NSUN7: variants seen among roughly 807,000 people sequenced by gnomAD.
NSUN7 encodes NOP2/Sun RNA methyltransferase family member 7, also known as protein NSUN7.
A neutral mutation model predicts 58.5 loss-of-function variants in NSUN7; 39 were observed. The ratio of observed to expected loss-of-function variants is 0.67; its 90% CI spans 0.52 to 0.87. NSUN7 has a LOEUF of 0.87. Ranked by LOEUF, NSUN7 falls within the 40% of genes least tolerant of loss-of-function variation. The pLI is 0.00. For synonymous variants in NSUN7, 278 were observed against 303.7 expected (o/e 0.92, Z 0.88); for missense variants, 765 against 844.1 (o/e 0.91, Z 1.16).
chr4:40,777,542 C>G (rs1351986764), intron 7 of NSUN7, among the ~76,000 whole-genome samples: 1 of 152,174 alleles, frequency 6.6e-6, no homozygotes, highest in Admixed American at 6.5e-5. Flanking sequence ...TCTCGAACTC[C>G]TGACCTCAGG....
At chr4:40,777,805 G>T (rs902923071) in intron 7 of NSUN7, among the ~76,000 whole-genome samples, 1 of 152,094 alleles carries the variant, frequency 6.6e-6, no homozygotes, top group Non-Finnish European at 1.5e-5. Context: ...TTGTTATGTT[G>T]CCTAGGCTGA....
chr4:40,761,604 G>T (rs910269569), intron 4 of NSUN7, among the ~76,000 whole-genome samples: 8 of 152,056 alleles, frequency 5.3e-5, no homozygotes, highest in Admixed American at 2.0e-4. Context: ...GCTACTAATT[G>T]CTTAGTTCAC....
chr4:40,774,972 T>C (rs975911775), intron 6 of NSUN7, 22 bp downstream of exon 6: 13 of 988,748 alleles, frequency 1.3e-5, no homozygotes, highest in Middle Eastern at 2.7e-4. Context: ...TTTACTTTCA[T>C]TGTGATTCTC....
intron 7 of NSUN7, among the ~76,000 whole-genome samples, chr4:40,780,143 A>C (rs1190177792): frequency 6.6e-6 from 1 of 152,042 alleles, no homozygotes; most frequent in African/African-American, 2.4e-5. Flanking sequence ...TAGCCGGATG[A>C]GTGGTACAGG....
In NSUN7 at chr4:40,776,276, C is replaced by A. The variant is rs762227614; in HGVS notation, c.1036+17C>A. 4.0e-6 allele frequency: 6 copies of A among 1,501,126 alleles called. No homozygotes were observed. The South Asian group carries it at 6.0e-5, about 15-fold the overall frequency. The allele number at this position is 1,501,126 out of a possible 1,614,324, so 93.0% of individuals were successfully genotyped here. On this transcript the variant is annotated intron_variant, in intron 7 of 11. Coordinates refer to ENST00000381782, the MANE Select transcript of NSUN7 (RefSeq NM_024677.6). ...GATGTAAAAGTATGTAAAAATATTT[C>A]TTCATTTGGTGATTATTGTTCTGCA...
chr4:40,804,160 C>A (rs1743720098), intron 10 of NSUN7, among the ~76,000 whole-genome samples: 2 of 152,148 alleles, frequency 1.3e-5, no homozygotes, highest in South Asian at 4.1e-4. Context: ...ACTAATGGGG[C>A]CGGGCATGGT....
At chr4:40,756,011 G>T (rs1199500132) in intron 2 of NSUN7, among the ~76,000 whole-genome samples, 3 of 152,116 alleles carry the variant, frequency 2.0e-5, no homozygotes, top group Non-Finnish European at 4.4e-5. Context: ...GTGCAGTCGT[G>T]TGGCTGGCTG....
intron 7 of NSUN7, 104 bp downstream of exon 7, chr4:40,776,363 A>G (rs1356758438): frequency 1.3e-5 from 9 of 702,068 alleles, no homozygotes; most frequent in Non-Finnish European, 2.3e-6. Context: ...AAAGCTCTAT[A>G]TGTGAACTAA....
At position 40,794,425 on chromosome 4, in the gene NSUN7, C is replaced by T. The variant is rs1232481072; in HGVS notation, c.1231C>T (p.Leu411Phe). 1 of 1,612,894 alleles carries T rather than the reference C, an allele frequency of 6.2e-7. No homozygotes were observed. Among genetic ancestry groups the T allele is most frequent in the Non-Finnish European group, 8.5e-7 (1 of 1,179,208 alleles). ...TCAAGGAGGCATCTCAGTGGACAAA[C>T]TTCACGTTCTTGCTCAACAGCAGTA... Reference protein sequence around the residue: ...HSQGGISVDKLHVLAQQQYEQ... With the variant: ...HSQGGISVDKFHVLAQQQYEQ... The change falls in exon 9 of 12, where the codon CTT becomes TTT. Residue 411 changes from leucine (L) to phenylalanine (F), a missense_variant. Coordinates refer to ENST00000381782, the MANE Select transcript of NSUN7 (RefSeq NM_024677.6).
chr4:40,785,880 C>T (rs994847421), intron 7 of NSUN7, among the ~76,000 whole-genome samples: 15 of 152,220 alleles, frequency 9.9e-5, no homozygotes, highest in African/African-American at 3.6e-4. Flanking sequence ...AGAAAAATAG[C>T]ATCAAAGCTG....
At chr4:40,757,638 G>GTA (rs528596396) in intron 2 of NSUN7, among the ~76,000 whole-genome samples, 20 of 141,726 alleles carry the variant, frequency 1.4e-4, no homozygotes, top group East Asian at 1.0e-3. Context: ...TACATTGTGT[G>GTA]TATATATATA....
At chr4:40,757,943 G>A (rs1408611538) in intron 2 of NSUN7, among the ~76,000 whole-genome samples, 6 of 110,704 alleles carry the variant, frequency 5.4e-5, no homozygotes, top group African/African-American at 9.4e-5. Context: ...TTTGGGCAAC[G>A]GAGTTTCACT....
At chr4:40,781,500 G>T (rs1742563714) in intron 7 of NSUN7, among the ~76,000 whole-genome samples, 1 of 152,166 alleles carries the variant, frequency 6.6e-6, no homozygotes, top group South Asian at 2.1e-4. Flanking sequence ...AGGCTGGAGT[G>T]CAGTGGGGCA....
chr4:40,792,338 C>G (rs1743107077), intron 8 of NSUN7, among the ~76,000 whole-genome samples: 1 of 151,922 alleles, frequency 6.6e-6, no homozygotes, highest in Non-Finnish European at 1.5e-5. Flanking sequence ...AAACTAAAGG[C>G]TAGAGGAGAA....
chr4:40,792,962 A>C (rs566614097), intron 8 of NSUN7, among the ~76,000 whole-genome samples: 1 of 152,240 alleles, frequency 6.6e-6, no homozygotes, highest in East Asian at 1.9e-4. Context: ...ATAAGGAATT[A>C]GTTTTAAAAA....
In NSUN7 at chr4:40,757,657, A is replaced by G. The variant is rs76585037; in HGVS notation, c.299-2777A>G. On this transcript the variant is annotated intron_variant, in intron 2 of 11. Coordinates refer to ENST00000381782, the MANE Select transcript of NSUN7 (RefSeq NM_024677.6). ...TTGTGTGTATATATATACATTGTGTATATATATACATTGTGTGTATATATA... is the reference window on the plus strand; with the variant it reads ...TTGTGTGTATATATATACATTGTGTGTATATATACATTGTGTGTATATATA... Among the ~76,000 whole-genome samples the G allele has an allele frequency of 4.7e-3, 683 of 144,718 alleles. 5 individuals are homozygous for G. Among genetic ancestry groups the G allele is most frequent in the African/African-American group, 0.016 (607 of 38,584 alleles). The allele number at this position is 144,718 out of a possible 152,430, so 94.9% of individuals were successfully genotyped here.
Position 40,755,074 on chromosome 4 carries a change from T to A in NSUN7, c.298+4083T>A, listed in dbSNP as rs571759759. Among the ~76,000 whole-genome samples, 28 of 152,272 alleles carry A rather than the reference T, an allele frequency of 1.8e-4. No individual in the cohort carries two copies. In the South Asian group the frequency reaches 4.1e-3, roughly 23 times the overall value. On this transcript the variant is annotated intron_variant, in intron 2 of 11. Coordinates refer to ENST00000381782, the MANE Select transcript of NSUN7 (RefSeq NM_024677.6). The stretch of plus-strand genomic sequence containing the variant: ...CCTATTGAGAGTTTTGTCAAAGCAG[T>A]AGAGTACCAGTAGCCAATTAATTAA...
intron 7 of NSUN7, among the ~76,000 whole-genome samples, chr4:40,778,396 T>G (rs572136271): frequency 1.3e-5 from 2 of 152,268 alleles, no homozygotes; most frequent in South Asian, 2.1e-4. Context: ...CCCACAAAAT[T>G]TGTATGTTAA....
chr4:40,752,742 T>TA (rs549078191), intron 2 of NSUN7, among the ~76,000 whole-genome samples: 1,698 of 25,112 alleles, frequency 0.068, 12 homozygotes, highest in Non-Finnish European at 0.082. Flanking sequence ...TTTTTAAAAT[T>TA]AAAAAAAAAT....
Sources: allele counts gnomAD v4.1 joint callset (sites outside exome capture counted in the v4.1 genomes callset), GRCh38; gene constraint gnomAD v4.1.1; transcripts MANE v1.5; gene names NCBI Gene and HGNC (gene_info 2026-07-23, HGNC 2026-07-21).